Variants in DCLK1 observed in about 807,000 individuals in gnomAD.
DCLK1 encodes serine/threonine-protein kinase DCLK1.
Under a neutral mutation model 86.2 loss-of-function variants are expected in DCLK1, and 16 were observed. That is an observed-to-expected ratio of 0.19 (90% confidence interval 0.13 to 0.28). DCLK1 has a LOEUF of 0.28. DCLK1 is among the 10% of genes least tolerant of loss of function. The pLI is 1.00. For synonymous variants in DCLK1, 369 were observed against 370.5 expected (o/e 1.00, Z 0.05); for missense variants, 590 against 940.2 (o/e 0.63, Z 4.87).
chr13:35,790,913 T>C (rs2086697936), intron 16 of DCLK1, among the ~76,000 whole-genome samples: 1 of 152,174 alleles, frequency 6.6e-6, no homozygotes, highest in African/African-American at 2.4e-5. Flanking sequence ...AAAATGGTTA[T>C]GCAATATAAT....
At chr13:35,958,500 T>TCAC (rs1357745458) in intron 3 of DCLK1, among the ~76,000 whole-genome samples, 2 of 148,292 alleles carry the variant, frequency 1.3e-5, no homozygotes, top group Non-Finnish European at 3.0e-5. Flanking sequence ...ACCACCACCA[T>TCAC]CACCACTACT....
At chr13:35,867,785 G>T (rs1431859030) in intron 5 of DCLK1, among the ~76,000 whole-genome samples, 1 of 150,562 alleles carries the variant, frequency 6.6e-6, no homozygotes, top group Admixed American at 6.7e-5. Context: ...AGACTCATCA[G>T]TCCATTCTTT....
intron 8 of DCLK1, among the ~76,000 whole-genome samples, chr13:35,829,399 T>G (rs1396089091): frequency 6.6e-6 from 1 of 152,176 alleles, no homozygotes; most frequent in African/African-American, 2.4e-5. Flanking sequence ...TTTTTACCTA[T>G]AGATAAAAGC....
chr13:36,123,519 A>G (rs977152412), intron 2 of DCLK1, among the ~76,000 whole-genome samples: 2 of 152,142 alleles, frequency 1.3e-5, no homozygotes, highest in Non-Finnish European at 2.9e-5. Flanking sequence ...GAGGGGAAAA[A>G]CTCAATATAG....
intron 16 of DCLK1, among the ~76,000 whole-genome samples, chr13:35,779,143 T>C (rs953888813): frequency 2.0e-5 from 3 of 152,076 alleles, no homozygotes; most frequent in African/African-American, 7.2e-5. Context: ...ACCTGGCTAA[T>C]TTTTGTATTT....
chr13:35,974,227 G>A (rs913447232), intron 3 of DCLK1, among the ~76,000 whole-genome samples: 11 of 152,180 alleles, frequency 7.2e-5, no homozygotes, highest in Non-Finnish European at 1.5e-4. Flanking sequence ...CTAACCCCGA[G>A]TACTTGAGAA....
At chr13:36,040,151 G>A (rs1882648359) in intron 3 of DCLK1, among the ~76,000 whole-genome samples, 1 of 151,182 alleles carries the variant, frequency 6.6e-6, no homozygotes, top group Non-Finnish European at 1.5e-5. Flanking sequence ...TTAATGCATG[G>A]ATTATTAACT....
intron 14 of DCLK1, among the ~76,000 whole-genome samples, chr13:35,806,563 T>C (rs1031682646): frequency 9.2e-5 from 14 of 152,190 alleles, no homozygotes; most frequent in Non-Finnish European, 1.9e-4. Context: ...CATTATCCAG[T>C]TCCTTACATA....
intron 3 of DCLK1, among the ~76,000 whole-genome samples, chr13:36,002,423 C>G (rs982541099): frequency 1.3e-5 from 2 of 152,142 alleles, no homozygotes; most frequent in African/African-American, 4.8e-5. Flanking sequence ...ACCCTTACAG[C>G]TAATTTTATC....
In DCLK1 at chr13:35,908,210, T is replaced by TAGTATACTAAAATGTATC. The variant is rs1244939839; in HGVS notation, c.824-36871_824-36870insGATACATTTTAGTATACT. Among the ~76,000 whole-genome samples, 1,179 of 152,282 alleles carry TAGTATACTAAAATGTATC rather than the reference T, an allele frequency of 7.7e-3. 15 individuals are homozygous for TAGTATACTAAAATGTATC. Among genetic ancestry groups the TAGTATACTAAAATGTATC allele is most frequent in the East Asian group, 0.032 (168 of 5,170 alleles). On this transcript the variant is annotated intron_variant, in intron 4 of 16. Transcript: ENST00000360631. ...TAAATTATAGAAGGAACTAAACTTT[T>TAGTATACTAAAATGTATC]AGTATACTAAAATGTATTAGTATAA...
chr13:35,957,946 TACCACTACTACA>T (rs1878101088), intron 3 of DCLK1, among the ~76,000 whole-genome samples: 1 of 148,624 alleles, frequency 6.7e-6, no homozygotes, highest in Non-Finnish European at 1.5e-5. Context: ...CTACCACTAC[TACCACTACTACA>T]ACCATTACCA....
intron 3 of DCLK1, among the ~76,000 whole-genome samples, chr13:36,047,828 T>C (rs891159716): frequency 2.0e-5 from 3 of 152,156 alleles, no homozygotes; most frequent in Non-Finnish European, 4.4e-5. Context: ...TGGTGGCTCA[T>C]GCCTGTAATC....
chr13:36,117,846 A>G (rs9546424), intron 2 of DCLK1, among the ~76,000 whole-genome samples: 90,244 of 151,644 alleles, frequency 0.6, 27,494 homozygotes, highest in East Asian at 0.86. Flanking sequence ...GGCAGTAAGT[A>G]ATAATTGCTA....
chr13:35,985,287 C>A (rs1465091698), intron 3 of DCLK1, among the ~76,000 whole-genome samples: 2 of 152,094 alleles, frequency 1.3e-5, no homozygotes, highest in African/African-American at 4.8e-5. Flanking sequence ...GATTAGCCAT[C>A]CTTAGGGATC....
chr13:35,958,004 A>ACCACTACTG (rs1878114056), intron 3 of DCLK1, among the ~76,000 whole-genome samples: 1 of 149,394 alleles, frequency 6.7e-6, no homozygotes, highest in Admixed American at 6.6e-5. Context: ...CACCACCATT[A>ACCACTACTG]TCACCATCAC....
intron 4 of DCLK1, among the ~76,000 whole-genome samples, chr13:35,920,316 C>T (rs960156427): frequency 6.6e-6 from 1 of 152,170 alleles, no homozygotes; most frequent in African/African-American, 2.4e-5. Context: ...CATAGCATCA[C>T]GGAAGGGACT....
chr13:35,982,911 G>A (rs751187265), intron 3 of DCLK1, among the ~76,000 whole-genome samples: 14 of 151,850 alleles, frequency 9.2e-5, no homozygotes, highest in Non-Finnish European at 1.6e-4. Context: ...ACAAGCACCC[G>A]CCACCACACC....
At chr13:36,073,029 G>A (rs1287008281) in intron 3 of DCLK1, among the ~76,000 whole-genome samples, 1 of 152,168 alleles carries the variant, frequency 6.6e-6, no homozygotes, top group African/African-American at 2.4e-5. Context: ...CCTACGAGAA[G>A]CAAAGTTTAA....
intron 5 of DCLK1, among the ~76,000 whole-genome samples, chr13:35,861,601 A>G (rs1871386999): frequency 6.7e-6 from 1 of 150,080 alleles, no homozygotes; most frequent in Non-Finnish European, 1.5e-5. Flanking sequence ...ATCCCCATTC[A>G]GTTCTCATGC....
Sources: allele counts gnomAD v4.1 joint callset (sites outside exome capture counted in the v4.1 genomes callset), GRCh38; gene constraint gnomAD v4.1.1; transcripts MANE v1.5; gene names NCBI Gene and HGNC (gene_info 2026-07-23, HGNC 2026-07-21).